The following ARHGAP5 variants were observed in gnomAD, a reference collection of about 807,000 sequenced individuals.
ARHGAP5 encodes the protein rho GTPase-activating protein 5.
A neutral mutation model predicts 116.6 loss-of-function variants in ARHGAP5; 23 were observed. The observed-to-expected ratio is 0.20, with a 90% CI of 0.14 to 0.28. ARHGAP5 has a LOEUF of 0.28. Among genes scored for constraint, ARHGAP5 ranks in the 10% least tolerant of loss-of-function variants. The pLI is 1.00. For missense variants in ARHGAP5, 1,405 were observed against 1,774.8 expected, an observed-to-expected ratio of 0.79 and a Z score of 3.74; for synonymous variants, 574 against 602.0, an observed-to-expected ratio of 0.95 and a Z score of 0.68.
intron 3 of ARHGAP5, among the ~76,000 whole-genome samples, chr14:32,131,770 T>G (rs1387925066): frequency 6.6e-6 from 1 of 152,124 alleles, no homozygotes; most frequent in Non-Finnish European, 1.5e-5. Flanking sequence ...GTGTGTGATG[T>G]TCCCCTTCCT....
intron 3 of ARHGAP5, among the ~76,000 whole-genome samples, chr14:32,120,227 A>G (rs1879815022): frequency 6.6e-6 from 1 of 152,036 alleles, no homozygotes; most frequent in Admixed American, 6.6e-5. Context: ...CAAGGTTTTT[A>G]ATAAAATTCC....
At position 32,093,691 on chromosome 14, in the gene ARHGAP5, T is replaced by G. The variant is rs1234551576; in HGVS notation, c.3022T>G (p.Ser1008Ala). ...VQLLPTPSDRSRYRLDLEGNE... is the reference protein window; with the variant it reads ...VQLLPTPSDRARYRLDLEGNE... ...GTTGCTTCCAACACCTAGTGACCGT[T>G]CCAGATATAGATTAGATTTGGAAGG... The change falls in exon 2 of 7, where the codon TCC becomes GCC. Residue 1008 changes from serine (S) to alanine (A), a missense_variant. By Grantham distance (99) the Ser-to-Ala change is moderately conservative. This residue lies in a region of ARHGAP5 where 944 missense variants were observed against 1,095.3 expected (regional missense o/e 0.86). Coordinates refer to ENST00000345122, the MANE Select transcript of ARHGAP5 (RefSeq NM_001030055.2). 1.2e-6 allele frequency: 2 copies of G among 1,614,048 alleles called. No homozygotes were observed. Among genetic ancestry groups the G allele is most frequent in the South Asian group, 2.2e-5 (2 of 91,080 alleles).
intron 1 of ARHGAP5, among the ~76,000 whole-genome samples, chr14:32,085,450 CA>C (rs1943636945): frequency 6.6e-6 from 1 of 152,196 alleles, no homozygotes; most frequent in Admixed American, 6.5e-5. Context: ...AGACCTATCT[CA>C]AAAACAAACA....
chr14:32,106,460 A>C (rs1315085437), intron 2 of ARHGAP5, among the ~76,000 whole-genome samples: 1 of 152,196 alleles, frequency 6.6e-6, no homozygotes, highest in African/African-American at 2.4e-5. Flanking sequence ...TGTATGATGG[A>C]TCCAGTTTCT....
Position 32,157,725 on chromosome 14 carries a change from A to G in ARHGAP5, c.*2777A>G, listed in dbSNP as rs1881955505. The G allele has an allele frequency of 6.6e-6, 1 of 151,756 alleles. No individual in the cohort carries two copies. The highest frequency in any genetic ancestry group is 1.9e-4 in the East Asian group (1 of 5,204). 9.4% of individuals were successfully genotyped at this position (151,756 alleles called of 1,614,324 possible). On this transcript the variant is annotated 3_prime_UTR_variant, in exon 7 of 7. Coordinates refer to ENST00000345122, the MANE Select transcript of ARHGAP5 (RefSeq NM_001030055.2). ...TTCTTCCCCTTAACATTTACAGTGTAAATACTGCAGGTAACCGCAATCTAA... is the reference window on the plus strand; with the variant it reads ...TTCTTCCCCTTAACATTTACAGTGTGAATACTGCAGGTAACCGCAATCTAA...
chr14:32,094,453 A>G (rs1878427266), intron 2 of ARHGAP5, 67 bp downstream of exon 2: 5 of 1,209,032 alleles, frequency 4.1e-6, no homozygotes, highest in Admixed American at 4.9e-5. Flanking sequence ...AAATACTGAC[A>G]TCAGTGTTAG....
chr14:32,146,221 A>G, intron 3 of ARHGAP5, 42 bp from the exon 4 acceptor site: 1 of 1,406,216 alleles, frequency 7.1e-7, no homozygotes. Context: ...GTGTGGATAT[A>G]TATGTGTTTA....
At chr14:32,112,870 C>CA (rs879512762) in intron 2 of ARHGAP5, among the ~76,000 whole-genome samples, 295 of 133,470 alleles carry the variant, frequency 2.2e-3, no homozygotes, top group South Asian at 2.6e-3. Flanking sequence ...GACTCCGCCT[C>CA]AAAAAAAAAA....
In ARHGAP5 at chr14:32,092,331, A is replaced by G; in HGVS notation, c.1662A>G (p.Lys554=). The change falls in exon 2 of 7, where the codon AAA becomes AAG. Residue 554 remains lysine, a synonymous_variant. Transcript: ENST00000345122. The surrounding 1 kb of genome is among the most constrained non-coding windows in gnomAD (Gnocchi z 4.1). ...KHIGFVYHPT[K]ETCLSGQNCT... ...TAGGATTTGTTTATCATCCCACTAA[A>G]GAAACATGTCTTAGTGGCCAAAATT... 3 of 1,613,658 alleles carry G rather than the reference A, an allele frequency of 1.9e-6. No individual in the cohort carries two copies. In the East Asian group the frequency reaches 6.7e-5, roughly 36 times the overall value.
chr14:32,081,836 C>G (rs1161081335), intron 1 of ARHGAP5, among the ~76,000 whole-genome samples: 1 of 152,126 alleles, frequency 6.6e-6, no homozygotes, highest in Non-Finnish European at 1.5e-5. Flanking sequence ...CTTACCTTTT[C>G]AGAGCCAAGG....
chr14:32,093,807 A>G lies in ARHGAP5; in HGVS notation c.3138A>G (p.Val1046=). 6.2e-7 allele frequency: 1 copy of G among 1,613,748 alleles called. No individual in the cohort carries two copies. Residue 1046 remains valine (V), a synonymous_variant, in exon 2 of 7, where the codon GTA becomes GTG. Transcript: ENST00000345122. ...VPPPIKPKPV[V]PKTNVKKLDP... The stretch of plus-strand genomic sequence containing the variant: ...CACCTATTAAACCTAAACCAGTTGT[A>G]CCTAAGACAAATGTGAAAAAACTCG...
chr14:32,085,493 C>T (rs763226002), intron 1 of ARHGAP5, among the ~76,000 whole-genome samples: 5 of 152,152 alleles, frequency 3.3e-5, no homozygotes, highest in Non-Finnish European at 7.3e-5. Flanking sequence ...CAGTACTACA[C>T]TCTGTTCATC....
intron 2 of ARHGAP5, among the ~76,000 whole-genome samples, chr14:32,114,045 G>A (rs1879435304): frequency 6.6e-6 from 1 of 152,198 alleles, no homozygotes; most frequent in East Asian, 1.9e-4. Context: ...TGGCTAACAC[G>A]GTGAAACCCC....
intron 3 of ARHGAP5, among the ~76,000 whole-genome samples, chr14:32,132,042 C>G (rs1447183822): frequency 6.6e-6 from 1 of 152,170 alleles, no homozygotes; most frequent in Non-Finnish European, 1.5e-5. Context: ...CCGCAATAAA[C>G]ATACAGGTGC....
At chr14:32,138,938 C>T (rs867378785) in intron 3 of ARHGAP5, among the ~76,000 whole-genome samples, 1 of 152,136 alleles carries the variant, frequency 6.6e-6, no homozygotes, top group Non-Finnish European at 1.5e-5. Context: ...GATGCTTTTT[C>T]TACATCAATT....
chr14:32,093,944 C>T lies in ARHGAP5; in HGVS notation c.3275C>T (p.Ala1092Val), dbSNP rs373639217. The change falls in exon 2 of 7, where the codon GCG (alanine) becomes GTG (valine). Residue 1092 changes from alanine (A) to valine (V), a missense_variant. By Grantham distance (64) the Ala-to-Val change is moderately conservative (BLOSUM62 0). This residue lies in a region of ARHGAP5 where 944 missense variants were observed against 1,095.3 expected (regional missense o/e 0.86). Coordinates refer to ENST00000345122, the MANE Select transcript of ARHGAP5 (RefSeq NM_001030055.2). Reference sequence around the variant, plus strand: ...GATATGGATCCTTCAGATAACTATGCGGAACCCATTGATACAATTTTCAAA... The same window carrying T: ...GATATGGATCCTTCAGATAACTATGTGGAACCCATTGATACAATTTTCAAA... Reference protein sequence around the residue: ...PEDMDPSDNYAEPIDTIFKQK... With the variant: ...PEDMDPSDNYVEPIDTIFKQK... 31 of 1,613,834 alleles carry T rather than the reference C, an allele frequency of 1.9e-5. No homozygotes were observed. The highest frequency in any genetic ancestry group is 6.7e-5 in the African/African-American group (5 of 74,902).
At chr14:32,131,252 CTTT>C (rs71441705) in intron 3 of ARHGAP5, among the ~76,000 whole-genome samples, 1,853 of 103,894 alleles carry the variant, frequency 0.018, 20 homozygotes, top group Non-Finnish European at 0.027. Flanking sequence ...TGTCATACTT[CTTT>C]TTTTTTTTTT....
At chr14:32,123,344 T>C (rs187195148) in intron 3 of ARHGAP5, among the ~76,000 whole-genome samples, 1 of 152,146 alleles carries the variant, frequency 6.6e-6, no homozygotes, top group Admixed American at 6.5e-5. Context: ...GTTAGACCTC[T>C]AGGAATTGTT....
At chr14:32,110,726 G>A (rs191496380) in intron 2 of ARHGAP5, among the ~76,000 whole-genome samples, 20 of 152,296 alleles carry the variant, frequency 1.3e-4, no homozygotes, top group Admixed American at 2.6e-4. Context: ...AGGTGATGCA[G>A]TAATCCATAT....
Sources: allele counts gnomAD v4.1 joint callset (sites outside exome capture counted in the v4.1 genomes callset), GRCh38; gene constraint gnomAD v4.1.1; regional missense constraint gnomAD v4.1.1; non-coding constraint Gnocchi (gnomAD v3.1); transcripts MANE v1.5; gene names NCBI Gene and HGNC (gene_info 2026-07-23, HGNC 2026-07-21).